The following C10orf105 variants were observed in gnomAD, a reference collection of about 807,000 sequenced individuals.
The protein encoded by C10orf105 is uncharacterized protein C10orf105.
A neutral mutation model predicts 0.6 loss-of-function variants in C10orf105; 2 were observed. The observed-to-expected ratio is 3.18, with a 90% confidence interval of 1.30 to 10.01. The LOEUF is 10.01. Among genes scored for constraint, C10orf105 ranks in the 30% most tolerant of loss-of-function variants. The pLI is 0.04. For missense variants in C10orf105, 209 were observed against 191.4 expected, an observed-to-expected ratio of 1.09 and a Z score of -0.54; for synonymous variants, 95 against 82.4, an observed-to-expected ratio of 1.15 and a Z score of -0.83.
chr10:71,734,428 A>G (rs1839496800), intron 1 of C10orf105: 1 of 1,493,124 alleles, frequency 6.7e-7, no homozygotes, highest in African/African-American at 1.4e-5. Flanking sequence ...CAGCCACCCA[A>G]TGTATGGGCC....
At chr10:71,720,172 G>T (rs749073511), upstream of C10orf105, among the ~76,000 whole-genome samples, 1 of 152,192 alleles carries the variant, frequency 6.6e-6, no homozygotes, top group African/African-American at 2.4e-5. Flanking sequence ...GGAGAGTGCT[G>T]GTCCCTGGCA....
chr10:71,721,684 G>A (rs997615462), upstream of C10orf105, among the ~76,000 whole-genome samples: 21 of 152,272 alleles, frequency 1.4e-4, no homozygotes, highest in Non-Finnish European at 2.6e-4. Context: ...CGCAGTGCCC[G>A]GATGTGCATC....
chr10:71,736,049 G>A (rs1839555711), intron 1 of C10orf105, among the ~76,000 whole-genome samples: 2 of 152,270 alleles, frequency 1.3e-5, no homozygotes, highest in African/African-American at 4.8e-5. Context: ...TGGGAGGAGA[G>A]GCCAGTGGGA....
intron 1 of C10orf105, among the ~76,000 whole-genome samples, chr10:71,729,458 G>A (rs1413039554): frequency 2.0e-5 from 3 of 152,192 alleles, no homozygotes; most frequent in Non-Finnish European, 4.4e-5. Flanking sequence ...ACAGGGCCAG[G>A]GAAGCTGGAG....
In C10orf105 at chr10:71,718,461, C is replaced by T. The variant is rs112730290; in HGVS notation, c.-6+1166G>A. ...TGCCCGTCTAGCTGCCCAGGGCCTC[C>T]GCCTTTGCGGCATCAGGCCTAGAGA... On this transcript the variant is annotated intron_variant, in intron 1 of 1. Coordinates refer to ENST00000441508, the MANE Select transcript of C10orf105 (RefSeq NM_001164375.3). Among the ~76,000 whole-genome samples, 457 of 152,348 alleles carry T rather than the reference C, an allele frequency of 3.0e-3. 1 individual carries two copies. The highest frequency in any genetic ancestry group is 4.9e-3 in the Non-Finnish European group (335 of 68,030).
chr10:71,725,471 T>C, intron 1 of C10orf105: 1 of 1,613,954 alleles, frequency 6.2e-7, no homozygotes, highest in Non-Finnish European at 8.5e-7. Context: ...CACGTGCTGA[T>C]AGTGGAGGCC....
intron 1 of C10orf105, chr10:71,725,231 G>A (rs936777749): frequency 2.0e-6 from 3 of 1,471,224 alleles, no homozygotes; most frequent in African/African-American, 1.4e-5. Flanking sequence ...CCTCTCCACT[G>A]TGAATTCTGT....
upstream of C10orf105, among the ~76,000 whole-genome samples, chr10:71,720,701 A>C (rs866904868): frequency 1.3e-5 from 2 of 152,348 alleles, no homozygotes; most frequent in South Asian, 4.1e-4. Flanking sequence ...ACTGTCTGCC[A>C]ACCCCAAGAT....
upstream of C10orf105, among the ~76,000 whole-genome samples, chr10:71,722,433 A>G (rs1430799343): frequency 6.6e-6 from 1 of 152,216 alleles, no homozygotes; most frequent in African/African-American, 2.4e-5. Context: ...TGAATGTTGT[A>G]TGTGTCCTGC....
chr10:71,712,926 G>C lies in C10orf105; in HGVS notation c.*3010C>G. On this transcript the variant is annotated 3_prime_UTR_variant, in exon 2 of 2. Transcript: ENST00000441508. ...AGAGGCGGAAGCAGGTGGGGGCCCA[G>C]GGTGGGTCCGCTGCTCTGGAAGGTG... is the stretch of plus-strand genomic sequence containing the variant. 7.0e-6 allele frequency: 9 copies of C among 1,285,968 alleles called. No homozygotes were observed. Among genetic ancestry groups the C allele is most frequent in the Non-Finnish European group, 5.5e-6 (5 of 909,110 alleles). 79.7% of individuals were successfully genotyped at this position (1,285,968 alleles called of 1,614,324 possible).
chr10:71,720,736 T>A (rs779794895), upstream of C10orf105, among the ~76,000 whole-genome samples: 1 of 152,178 alleles, frequency 6.6e-6, no homozygotes, highest in Admixed American at 6.5e-5. Context: ...CTATGGACTG[T>A]TAAAGCTGGA....
In C10orf105 at chr10:71,730,481, G is replaced by A. The variant is rs774804095; in HGVS notation, c.-6+7247C>T. On this transcript the variant is annotated intron_variant, in intron 1 of 1. Coordinates refer to the C10orf105 transcript ENST00000398786. Reference sequence around the variant, plus strand: ...CCGGCTCCCACAGGTGATTGTGTACGTGGAGGACATCAACGATGAGGCCCC... The same window carrying A: ...CCGGCTCCCACAGGTGATTGTGTACATGGAGGACATCAACGATGAGGCCCC... The A allele has an allele frequency of 5.0e-5, 80 of 1,613,656 alleles. 1 individual carries two copies. The Admixed American group carries it at 1.1e-3, about 22-fold the overall frequency.
chr10:71,716,186 G>T lies in C10orf105; in HGVS notation c.152C>A (p.Thr51Asn). The stretch of plus-strand genomic sequence containing the variant: ...GCAGAGCGTCATGAACAGCAGACAG[G>T]TGGCCAGCAGGAGGAAGATGCAGGC... ...ALACIFLLLA[T>N]CLLFMTLCKP... Residue 51 changes from threonine (T) to asparagine (N), a missense_variant, in exon 2 of 2, where the codon ACC becomes AAC. Physicochemically the swap from Thr to Asn is moderately conservative, Grantham distance 65. Transcript: ENST00000441508. 6.4e-7 allele frequency: 1 copy of T among 1,551,206 alleles called. No homozygotes were observed. The highest frequency in any genetic ancestry group is 8.7e-7 in the Non-Finnish European group (1 of 1,146,854).
In C10orf105 at chr10:71,715,342, C is replaced by A. The variant is rs1305365265; in HGVS notation, c.*594G>T. 1.3e-5 allele frequency: 2 copies of A among 152,268 alleles called. No individual in the cohort carries two copies. The highest frequency in any genetic ancestry group is 3.9e-4 in the East Asian group (2 of 5,194). The allele number at this position is 152,268 out of a possible 1,614,324, so 9.4% of individuals were successfully genotyped here. On this transcript the variant is annotated 3_prime_UTR_variant, in exon 2 of 2. Transcript: ENST00000441508. ...GGAGAGCCCTGTTTGCTCCTCCTCC[C>A]AGCTGGCACCCAGGCATCTGTTCCA... is the stretch of plus-strand genomic sequence containing the variant.
intron 1 of C10orf105, among the ~76,000 whole-genome samples, chr10:71,733,623 C>T (rs1393028256): frequency 2.6e-5 from 4 of 152,204 alleles, no homozygotes; most frequent in Non-Finnish European, 5.9e-5. Context: ...CACAATGTCA[C>T]AGAAAGCTCT....
intron 1 of C10orf105, chr10:71,732,100 A>C: frequency 1.9e-6 from 3 of 1,614,018 alleles, no homozygotes; most frequent in Non-Finnish European, 8.5e-7. Context: ...CGAGACCAAG[A>C]CCAGCTACAT....
Position 71,716,121 on chromosome 10 carries a change from C to T in C10orf105, c.217G>A (p.Glu73Lys), listed in dbSNP as rs773965872. 2.5e-5 allele frequency: 39 copies of T among 1,548,924 alleles called. 1 individual carries two copies. The South Asian group carries it at 4.1e-4, about 16-fold the overall frequency. The change falls in exon 2 of 2, where the codon GAG (glutamate) becomes AAG (lysine). Residue 73 changes from glutamate (E) to lysine (K), a missense_variant. By Grantham distance (56) the Glu-to-Lys change is moderately conservative (BLOSUM62 1). Transcript: ENST00000441508. ...ALDPSRRRAH[E>K]CMPHHPGSPS... ...CTCCCAGGGTGGTGGGGCATGCACT[C>T]GTGAGCCCTGCGGCGGCTCGGGTCC...
chr10:71,726,357 C>A (rs1350733985), intron 1 of C10orf105, among the ~76,000 whole-genome samples: 1 of 152,192 alleles, frequency 6.6e-6, no homozygotes, highest in Non-Finnish European at 1.5e-5. Flanking sequence ...ATCTCCACCC[C>A]CTGCTTCCCC....
rs1866113436 is a variant in C10orf105 at position 71,714,245 on chromosome 10, G to T, written c.*1691C>A. 1 of 152,102 alleles carries T rather than the reference G, an allele frequency of 6.6e-6. No individual in the cohort carries two copies. The highest frequency in any genetic ancestry group is 2.1e-4 in the South Asian group (1 of 4,816). The allele number at this position is 152,102 out of a possible 1,614,324, so 9.4% of individuals were successfully genotyped here. ...TTTCTAGAGTCATCTGAGGGAAGAT[G>T]AGGCTCTGTGTTATGCCAGCTTCCA... On this transcript the variant is annotated 3_prime_UTR_variant, in exon 2 of 2. Coordinates refer to ENST00000441508, the MANE Select transcript of C10orf105 (RefSeq NM_001164375.3).
Sources: gnomAD v4.1 joint callset for allele counts (sites outside exome capture counted in the v4.1 genomes callset) on GRCh38, gnomAD v4.1.1 for gene constraint, MANE v1.5 for transcripts, NCBI Gene and HGNC (gene_info 2026-07-23, HGNC 2026-07-21) for gene names.